Variants in ODR4 observed in about 807,000 individuals in gnomAD.
The protein encoded by ODR4 is odr-4 GPCR localization factor homolog.
A neutral mutation model predicts 60.2 loss-of-function variants in ODR4; 47 were observed. The ratio of observed to expected loss-of-function variants is 0.78; its 90% CI spans 0.62 to 1.00. The LOEUF is 1.00. ODR4 is among the 50% of genes least tolerant of loss of function. The probability of loss-of-function intolerance (pLI) is 0.00; values close to 1 mark genes in which losing one functional copy is unlikely to be tolerated. For missense variants in ODR4, 488 were observed against 530.8 expected, an observed-to-expected ratio of 0.92 and a Z score of 0.79; for synonymous variants, 178 against 175.5, an observed-to-expected ratio of 1.01 and a Z score of -0.11.
intron 11 of ODR4, among the ~76,000 whole-genome samples, chr1:186,404,092 A>G (rs1289061936): frequency 6.6e-6 from 1 of 152,256 alleles, no homozygotes; most frequent in Non-Finnish European, 1.5e-5. Flanking sequence ...CAGCTAGGAC[A>G]TTTAACCAAT....
intron 3 of ODR4, 111 bp from the exon 4 acceptor site, chr1:186,385,877 A>T: frequency 3.2e-6 from 2 of 621,882 alleles, no homozygotes; most frequent in Non-Finnish European, 5.6e-6. Context: ...TTTTATTTAT[A>T]AAGTAGTTTT....
At chr1:186,434,833 G>A in the ODR4 span, among the ~76,000 whole-genome samples, 1 of 152,102 alleles carries the variant, frequency 6.6e-6, no homozygotes, top group African/African-American at 2.4e-5. Context: ...CATCTGATTT[G>A]TTATAACAGG....
chr1:186,378,525 G>A (rs1222149832), intron 1 of ODR4, among the ~76,000 whole-genome samples: 1 of 152,158 alleles, frequency 6.6e-6, no homozygotes, highest in Non-Finnish European at 1.5e-5. Flanking sequence ...GCCAATAGAG[G>A]GAATGAATAT....
At position 186,379,826 on chromosome 1, in the gene ODR4, A is replaced by G. The variant is rs1462899962; in HGVS notation, c.41A>G (p.Tyr14Cys). 1 of 1,609,660 alleles carries G rather than the reference A, an allele frequency of 6.2e-7. No homozygotes were observed. The highest frequency in any genetic ancestry group is 8.5e-7 in the Non-Finnish European group (1 of 1,178,142). Residue 14 changes from tyrosine (Y) to cysteine (C), a missense_variant, in exon 2 of 14, where the codon TAT (tyrosine) becomes TGT (cysteine). Coordinates refer to ENST00000287859, the MANE Select transcript of ODR4 (RefSeq NM_017847.6). The part of the protein sequence containing the change: ...TYIVEETVGQ[Y>C]LSNINLQGKA... The stretch of plus-strand genomic sequence containing the variant: ...ATTGTAGAAGAGACTGTTGGCCAGT[A>G]TCTTTCAAACATAAATCTCCAAGGA...
At chr1:186,426,730 A>T in the ODR4 span, among the ~76,000 whole-genome samples, 1 of 152,252 alleles carries the variant, frequency 6.6e-6, no homozygotes, top group African/African-American at 2.4e-5. Flanking sequence ...ATTACTGGAG[A>T]TTTGTAACTA....
chr1:186,403,210 G>C (rs994886811), intron 11 of ODR4, among the ~76,000 whole-genome samples: 13 of 151,888 alleles, frequency 8.6e-5, no homozygotes, highest in Non-Finnish European at 1.9e-4. Context: ...TTGTAAGTGT[G>C]ATAATATAAA....
At chr1:186,386,144 T>C in intron 4 of ODR4, 61 bp downstream of exon 4, 1 of 929,176 alleles carries the variant, frequency 1.1e-6, no homozygotes, top group African/African-American at 1.7e-5. Context: ...TTACTGATTA[T>C]GAGTATGTGT....
At chr1:186,429,660 A>G in the ODR4 span, among the ~76,000 whole-genome samples, 6 of 151,184 alleles carry the variant, frequency 4.0e-5, no homozygotes, top group Non-Finnish European at 7.4e-5. Context: ...ACAATCCTCA[A>G]TAGTCAATAG....
rs545982881 is a variant in ODR4, at chr1:186,393,636, A to G, written c.712-311A>G. ...GCATGAAAGCAGCTACAGGAGATAC[A>G]TAAGTGAATGATCCTGGTTGCATAC... is the stretch of plus-strand genomic sequence containing the variant. On this transcript the variant is annotated intron_variant, in intron 8 of 13. Transcript: ENST00000287859. Among the ~76,000 whole-genome samples the G allele has an allele frequency of 5.3e-5, 8 of 152,366 alleles. No homozygotes were observed. In the East Asian group the frequency reaches 1.3e-3, roughly 26 times the overall value.
intron 3 of ODR4, among the ~76,000 whole-genome samples, chr1:186,384,555 C>T (rs1480942608): frequency 2.8e-5 from 4 of 143,428 alleles, no homozygotes; most frequent in African/African-American, 5.6e-5. Flanking sequence ...CTTTTGGTCT[C>T]TCATAAAATT....
At chr1:186,410,429 A>T (rs984881904) in intron 12 of ODR4, among the ~76,000 whole-genome samples, 2 of 152,170 alleles carry the variant, frequency 1.3e-5, no homozygotes, top group African/African-American at 4.8e-5. Flanking sequence ...ATGTCTCTTT[A>T]TCAGATGTTT....
intron 9 of ODR4, among the ~76,000 whole-genome samples, chr1:186,394,851 T>G (rs1660609413): frequency 6.6e-6 from 1 of 152,242 alleles, no homozygotes; most frequent in Admixed American, 6.5e-5. Context: ...TTTCAATACC[T>G]TAGAGGTATT....
chr1:186,390,148 C>T (rs141185485), intron 6 of ODR4, among the ~76,000 whole-genome samples: 86 of 152,170 alleles, frequency 5.7e-4, no homozygotes, highest in Admixed American at 2.1e-3. Flanking sequence ...TAATCTCCTC[C>T]TACCTTGTTT....
At chr1:186,421,796 G>A (rs570658418), downstream of ODR4, among the ~76,000 whole-genome samples, 40 of 148,360 alleles carry the variant, frequency 2.7e-4, no homozygotes, top group South Asian at 2.8e-3. Flanking sequence ...CCAGGGAGGC[G>A]AAGGTTGCAG....
In ODR4 at chr1:186,401,617, T is replaced by C. The variant is rs576261089; in HGVS notation, c.1000+2573T>C. On this transcript the variant is annotated intron_variant, in intron 11 of 13. Transcript: ENST00000287859. ...CCCTCCCTTCCTCCCTCTCTTTCTA[T>C]GATCACATAGTTTTTGACATTCTTT... 3.4e-5 allele frequency among the ~76,000 whole-genome samples: 5 copies of C among 147,360 alleles called. No individual in the cohort carries two copies. The South Asian group carries it at 9.2e-4, about 27-fold the overall frequency.
chr1:186,404,074 T>C lies in ODR4; in HGVS notation c.1001-2009T>C, dbSNP rs539306502. Among the ~76,000 whole-genome samples, 8 of 152,352 alleles carry C rather than the reference T, an allele frequency of 5.3e-5. No homozygotes were observed. In the South Asian group the frequency reaches 1.7e-3, roughly 32 times the overall value. On this transcript the variant is annotated intron_variant, in intron 11 of 13. Coordinates refer to ENST00000287859, the MANE Select transcript of ODR4 (RefSeq NM_017847.6). The stretch of plus-strand genomic sequence containing the variant: ...AATAACTTAAAAGTTTCAGTACTAC[T>C]CTGATACCAGCTAGGACATTTAACC...
chr1:186,417,036 C>T (rs1007643645), intron 12 of ODR4, among the ~76,000 whole-genome samples: 11 of 151,912 alleles, frequency 7.2e-5, no homozygotes, highest in Admixed American at 2.0e-4. Context: ...AATCTCGGCT[C>T]ACTGTAACCT....
chr1:186,401,195 T>C, intron 11 of ODR4: 1 of 1,571,504 alleles, frequency 6.4e-7, no homozygotes, highest in Non-Finnish European at 8.7e-7. Context: ...TTTGCTGATG[T>C]TCAATTAGTA....
At chr1:186,390,097 C>T (rs1226453066) in intron 6 of ODR4, among the ~76,000 whole-genome samples, 1 of 152,110 alleles carries the variant, frequency 6.6e-6, no homozygotes, top group African/African-American at 2.4e-5. Context: ...TGAGCCACCA[C>T]GGCCAGCCAA....
Sources: gnomAD v4.1 joint callset for allele counts (sites outside exome capture counted in the v4.1 genomes callset) on GRCh38, gnomAD v4.1.1 for gene constraint, MANE v1.5 for transcripts, NCBI Gene and HGNC (gene_info 2026-07-23, HGNC 2026-07-21) for gene names.